Variants in SF3B3 observed in about 807,000 individuals in gnomAD.
The protein encoded by SF3B3 is SAP 130.
SF3B3 carries 33 observed loss-of-function variants against 139.2 expected under a neutral mutation model. The observed-to-expected ratio is 0.24, with a 90% CI of 0.18 to 0.32. SF3B3 has a LOEUF of 0.32. Ranked by LOEUF, SF3B3 falls within the 10% of genes least tolerant of loss-of-function variation. The probability of loss-of-function intolerance (pLI) is 1.00; values close to 1 mark genes in which losing one functional copy is unlikely to be tolerated. For synonymous variants in SF3B3, 596 were observed against 563.6 expected (o/e 1.06, Z -0.81); for missense variants, 818 against 1,509.4 (o/e 0.54, Z 7.59).
chr16:70,530,645 A>G (rs1449204823), intron 3 of SF3B3, 100 bp from the exon 4 acceptor site: 3 of 1,002,740 alleles, frequency 3.0e-6, no homozygotes, highest in Non-Finnish European at 4.5e-6. Context: ...ACTGCTGTTA[A>G]TAATGATTAA....
At position 70,571,185 on chromosome 16, in the gene SF3B3, T is replaced by G; in HGVS notation, c.3499T>G (p.Tyr1167Asp). The G allele has an allele frequency of 6.2e-7, 1 of 1,610,034 alleles. No homozygotes were observed. The highest frequency in any genetic ancestry group is 8.5e-7 in the Non-Finnish European group (1 of 1,176,250). ...GGACCACCTCAGCTTTCGCTCCTAC[T>G]ACTTCCCTGTGAAGGTAGGTTGGGG... ...GRDHLSFRSY[Y>D]FPVKNVIDGD... Residue 1167 changes from tyrosine to aspartate, a missense_variant, in exon 25 of 26, where the codon TAC becomes GAC. Physicochemically the swap from Tyr to Asp is radical, Grantham distance 160. Around this residue, in one of 14 missense-constraint regions of SF3B3, gnomAD observed 44 missense variants for 40.4 expected, o/e 1.09. Coordinates refer to ENST00000302516, the MANE Select transcript of SF3B3 (RefSeq NM_012426.5).
intron 12 of SF3B3, 30 bp from the exon 13 acceptor site, chr16:70,555,021 A>G (rs2050366384): frequency 6.2e-7 from 1 of 1,606,588 alleles, no homozygotes; most frequent in Non-Finnish European, 8.5e-7. Flanking sequence ...AAATTGTTAA[A>G]GTCAGGTTTC....
chr16:70,532,521 C>A lies in SF3B3; in HGVS notation c.613C>A (p.Gln205Lys). 6.2e-7 allele frequency: 1 copy of A among 1,614,066 alleles called. No individual in the cohort carries two copies. Among genetic ancestry groups the A allele is most frequent in the Non-Finnish European group, 8.5e-7 (1 of 1,179,944 alleles). The stretch of plus-strand genomic sequence containing the variant: ...AACAGGGGAAGCAGCAGCTAATACC[C>A]AGCAGACACTTACTTTCTATGAGCT... ...DPTGEAAANTQQTLTFYELDL... is the reference protein window; with the variant it reads ...DPTGEAAANTKQTLTFYELDL... Residue 205 changes from glutamine to lysine, a missense_variant, in exon 5 of 26, where the codon CAG becomes AAG. Coordinates refer to ENST00000302516, the MANE Select transcript of SF3B3 (RefSeq NM_012426.5).
chr16:70,540,988 T>C (rs1449165179), intron 8 of SF3B3, among the ~76,000 whole-genome samples: 2 of 152,342 alleles, frequency 1.3e-5, no homozygotes, highest in Admixed American at 1.3e-4. Flanking sequence ...TGGGTCATGG[T>C]AATTCTGTGT....
chr16:70,542,267 C>T (rs573652545), intron 9 of SF3B3, among the ~76,000 whole-genome samples: 4 of 152,242 alleles, frequency 2.6e-5, no homozygotes, highest in Non-Finnish European at 5.9e-5. Flanking sequence ...ATATACTCCA[C>T]AGTATTCTGT....
intron 24 of SF3B3, 53 bp from the exon 25 acceptor site, chr16:70,571,042 C>CTA (rs2050523807): frequency 4.1e-6 from 5 of 1,229,404 alleles, no homozygotes; most frequent in Non-Finnish European, 6.0e-6. Flanking sequence ...TGTGGAAACT[C>CTA]TAGACTAGTT....
At chr16:70,562,912 C>T (rs2050442796) in intron 17 of SF3B3, among the ~76,000 whole-genome samples, 1 of 151,958 alleles carries the variant, frequency 6.6e-6, no homozygotes, top group African/African-American at 2.4e-5. Flanking sequence ...CACTGCAGCC[C>T]CAACTTCCTG....
intron 10 of SF3B3, among the ~76,000 whole-genome samples, chr16:70,545,993 T>C (rs1180511981): frequency 6.6e-6 from 1 of 152,150 alleles, no homozygotes; most frequent in Non-Finnish European, 1.5e-5. Flanking sequence ...GTTGTTGTTG[T>C]TTTTGTTTTT....
At chr16:70,567,559 T>A in intron 21 of SF3B3, 23 bp downstream of exon 21, 1 of 1,609,382 alleles carries the variant, frequency 6.2e-7, no homozygotes, top group Non-Finnish European at 8.5e-7. Context: ...GCATTGGTGC[T>A]GAGATCTAGC....
chr16:70,561,624 C>T lies in SF3B3; in HGVS notation c.2134-6C>T. 5.6e-6 allele frequency: 9 copies of T among 1,604,084 alleles called. No individual in the cohort carries two copies. The highest frequency in any genetic ancestry group is 5.2e-5 in the Admixed American group (3 of 57,344). On this transcript the variant is annotated splice_region_variant and splice_polypyrimidine_tract_variant and intron_variant, in intron 16 of 25. Transcript: ENST00000302516. Reference sequence around the variant, plus strand: ...TATTGGAGCTGGGTTTTTTTTTTCCCCTCAGGTATTGGCCATGTCAAGCCG... The same window carrying T: ...TATTGGAGCTGGGTTTTTTTTTTCCTCTCAGGTATTGGCCATGTCAAGCCG...
At chr16:70,544,405 G>A in intron 9 of SF3B3, 33 bp from the exon 10 acceptor site, 1 of 1,289,254 alleles carries the variant, frequency 7.8e-7, no homozygotes, top group Non-Finnish European at 1.1e-6. Context: ...CAGCACTGGA[G>A]ACATTTTTTC....
rs747340017 is a variant in SF3B3 at position 70,529,237 on chromosome 16, T to C, written c.397+38T>C. On this transcript the variant is annotated intron_variant, in intron 3 of 25. Transcript: ENST00000302516. ...CTCTACTTGCTGTATATGCCTAGTT[T>C]AGGATAACAATGCTGTGCTCTTGGT... 1.0e-5 allele frequency: 16 copies of C among 1,531,554 alleles called. No homozygotes were observed. In the South Asian group the frequency reaches 1.3e-4, roughly 12 times the overall value. 94.9% of individuals were successfully genotyped at this position (1,531,554 alleles called of 1,614,324 possible). A position where few individuals can be genotyped will look rare whatever the true frequency, so the allele number is the denominator to read the frequency against.
intron 24 of SF3B3, among the ~76,000 whole-genome samples, chr16:70,570,353 G>T (rs11864207): frequency 0.1 from 5,742 of 56,524 alleles, 449 homozygotes; most frequent in African/African-American, 0.27. Flanking sequence ...TTTTTTTTGC[G>T]ACGGAGTCTC....
At chr16:70,549,561 A>G (rs1426479458) in intron 11 of SF3B3, among the ~76,000 whole-genome samples, 1 of 152,030 alleles carries the variant, frequency 6.6e-6, no homozygotes, top group Non-Finnish European at 1.5e-5. Context: ...TGAATTAGAA[A>G]CACGTTTTAA....
intron 4 of SF3B3, among the ~76,000 whole-genome samples, chr16:70,531,384 A>G (rs866006262): frequency 2.5e-4 from 38 of 151,926 alleles, no homozygotes; most frequent in Admixed American, 7.9e-4. Flanking sequence ...GCTCGCTGCA[A>G]CCTCTGCCTC....
chr16:70,526,927 T>G, intron 2 of SF3B3: 1 of 597,166 alleles, frequency 1.7e-6, no homozygotes. Flanking sequence ...TCACAAATTG[T>G]GTAATGATTC....
At chr16:70,566,952 A>G (rs1487899298) in intron 20 of SF3B3, among the ~76,000 whole-genome samples, 1 of 151,670 alleles carries the variant, frequency 6.6e-6, no homozygotes, top group Non-Finnish European at 1.5e-5. Context: ...CGGGAGTCTG[A>G]GGTGGGAGGA....
In SF3B3 at chr16:70,560,336, A is replaced by G. The variant is rs896196882; in HGVS notation, c.2011-133A>G. On this transcript the variant is annotated intron_variant, in intron 15 of 25. Transcript: ENST00000302516. ...AATGAATGGCTATCGGATTATTAGGATCTTTTTTAAACACCCAAGTCATTT... is the reference window on the plus strand; with the variant it reads ...AATGAATGGCTATCGGATTATTAGGGTCTTTTTTAAACACCCAAGTCATTT... 7.0e-6 allele frequency: 6 copies of G among 863,116 alleles called. No individual in the cohort carries two copies. In the African/African-American group the frequency reaches 8.5e-5, roughly 12 times the overall value. The allele number at this position is 863,116 out of a possible 1,614,324, so 53.5% of individuals were successfully genotyped here. A position where few individuals can be genotyped will look rare whatever the true frequency, so the allele number is the denominator to read the frequency against.
At chr16:70,524,247 G>A (rs535461273) in intron 1 of SF3B3, among the ~76,000 whole-genome samples, 1 of 152,110 alleles carries the variant, frequency 6.6e-6, no homozygotes, top group African/African-American at 2.4e-5. Flanking sequence ...AGAGTAAATG[G>A]TACACCGAGG....
Sources: allele counts gnomAD v4.1 joint callset (sites outside exome capture counted in the v4.1 genomes callset), GRCh38; gene constraint gnomAD v4.1.1; regional missense constraint gnomAD v4.1.1; transcripts MANE v1.5; gene names NCBI Gene and HGNC (gene_info 2026-07-23, HGNC 2026-07-21).